NCAM2: variants seen among roughly 807,000 people sequenced by gnomAD.
NCAM2 encodes the protein N-CAM-2.
Under a neutral mutation model 98.1 loss-of-function variants are expected in NCAM2, and 30 were observed. The observed-to-expected ratio is 0.31, with a 90% CI of 0.23 to 0.41. The LOEUF (loss-of-function observed/expected upper bound fraction) is 0.41. Among genes scored for constraint, NCAM2 ranks in the 10% least tolerant of loss-of-function variants. The probability of loss-of-function intolerance (pLI) is 1.00; values close to 1 mark genes in which losing one functional copy is unlikely to be tolerated. For missense variants in NCAM2, 867 were observed against 1,005.8 expected (o/e 0.86, Z 1.87); for synonymous variants, 368 against 342.4 (o/e 1.07, Z -0.83).
chr21:21,146,356 C>T (rs1265239658), intron 1 of NCAM2, among the ~76,000 whole-genome samples: 1 of 151,304 alleles, frequency 6.6e-6, no homozygotes, highest in Non-Finnish European at 1.5e-5. Context: ...GTCTTTCTGA[C>T]ATGAATTTTG....
chr21:21,183,856 C>CA (rs1394586666), intron 1 of NCAM2, among the ~76,000 whole-genome samples: 1 of 150,946 alleles, frequency 6.6e-6, no homozygotes, highest in African/African-American at 2.4e-5. Context: ...GGAAAAATAA[C>CA]GAAAAAAAAA....
At chr21:21,303,031 A>C (rs761166225) in intron 5 of NCAM2, among the ~76,000 whole-genome samples, 6 of 152,118 alleles carry the variant, frequency 3.9e-5, no homozygotes, top group African/African-American at 7.2e-5. Context: ...TTTCACTTGC[A>C]AGTAAGGGCT....
intron 10 of NCAM2, among the ~76,000 whole-genome samples, chr21:21,413,049 T>A (rs1285221242): frequency 6.6e-6 from 1 of 152,168 alleles, no homozygotes; most frequent in Non-Finnish European, 1.5e-5. Flanking sequence ...TTTAAAATTG[T>A]GTGTTTTAAA....
intron 13 of NCAM2, among the ~76,000 whole-genome samples, chr21:21,468,413 C>T (rs1984000683): frequency 6.6e-6 from 1 of 151,886 alleles, no homozygotes; most frequent in Admixed American, 6.6e-5. Context: ...AGAGCATTTG[C>T]ATATCAGTGA....
intron 5 of NCAM2, among the ~76,000 whole-genome samples, chr21:21,303,583 T>A (rs527581921): frequency 6.6e-6 from 1 of 152,260 alleles, no homozygotes; most frequent in South Asian, 2.1e-4. Flanking sequence ...TTATATATTA[T>A]CTTGGTATGG....
intron 1 of NCAM2, among the ~76,000 whole-genome samples, chr21:21,067,976 A>G (rs947925771): frequency 1.7e-4 from 26 of 152,042 alleles, no homozygotes; most frequent in African/African-American, 6.0e-4. Context: ...AAAAAGTGCT[A>G]TATTTTTAAA....
chr21:21,294,976 CT>C (rs1445275034), intron 5 of NCAM2, among the ~76,000 whole-genome samples: 1 of 151,736 alleles, frequency 6.6e-6, no homozygotes, highest in East Asian at 1.9e-4. Flanking sequence ...GACTGCTGCC[CT>C]ATTCTGTTCC....
Position 21,031,661 on chromosome 21 carries a change from G to A in NCAM2, c.55+33043G>A, listed in dbSNP as rs567565226. Among the ~76,000 whole-genome samples, 5 of 152,286 alleles carry A rather than the reference G, an allele frequency of 3.3e-5. No homozygotes were observed. In the East Asian group the frequency reaches 7.7e-4, roughly 24 times the overall value. ...AATATGCAAGTAGGCAGTGATGGAC[G>A]TTGATTTGACAAGCAAATTAAAGCA... On this transcript the variant is annotated intron_variant, in intron 1 of 17. Coordinates refer to ENST00000400546, the MANE Select transcript of NCAM2 (RefSeq NM_004540.5).
chr21:21,325,147 A>G (rs1249801685), intron 6 of NCAM2, among the ~76,000 whole-genome samples: 1 of 152,142 alleles, frequency 6.6e-6, no homozygotes, highest in African/African-American at 2.4e-5. Flanking sequence ...GAGACGATGA[A>G]CTTTAAAACT....
chr21:21,488,833 AATAAAG>A (rs1986609919), intron 15 of NCAM2, among the ~76,000 whole-genome samples: 1 of 152,120 alleles, frequency 6.6e-6, no homozygotes, highest in Non-Finnish European at 1.5e-5. Flanking sequence ...TCACTCACTG[AATAAAG>A]ATAAACTATA....
Position 21,432,210 on chromosome 21 carries a change from A to G in NCAM2, c.1583A>G (p.His528Arg). Residue 528 changes from histidine to arginine, a missense_variant, in exon 12 of 18, where the codon CAT becomes CGT. His to Arg is a conservative substitution (Grantham distance 29). This residue lies in a region of NCAM2 where 234 missense variants were observed against 333.8 expected (regional missense o/e 0.70). Coordinates refer to ENST00000400546, the MANE Select transcript of NCAM2 (RefSeq NM_004540.5). The part of the protein sequence containing the change: ...KPDSHGGVPI[H>R]HYQVDVKEVA... ...GACTCCCATGGAGGTGTACCTATTC[A>G]TCACTATCAGGTGGATGTCAAAGAA... is the stretch of plus-strand genomic sequence containing the variant. 1 of 1,614,088 alleles carries G rather than the reference A, an allele frequency of 6.2e-7. No homozygotes were observed. Among genetic ancestry groups the G allele is most frequent in the East Asian group, 2.2e-5 (1 of 44,864 alleles).
rs551005230 is a variant in NCAM2, at chr21:21,507,037, A to AT, written c.2078-1804dup. Among the ~76,000 whole-genome samples the AT allele has an allele frequency of 3.5e-3, 523 of 149,822 alleles. 1 individual carries two copies. Among genetic ancestry groups the AT allele is most frequent in the Middle Eastern group, 7.0e-3 (2 of 286 alleles). ...GCCAGGCAAAATCACAAATTGAATG[A>AT]TTTTTTTTTTCAAAACTGAGCTGTT... is the stretch of plus-strand genomic sequence containing the variant. On this transcript the variant is annotated intron_variant, in intron 15 of 17. Coordinates refer to ENST00000400546, the MANE Select transcript of NCAM2 (RefSeq NM_004540.5).
chr21:21,366,060 G>T (rs2075777699), intron 8 of NCAM2, among the ~76,000 whole-genome samples: 1 of 152,044 alleles, frequency 6.6e-6, no homozygotes, highest in Non-Finnish European at 1.5e-5. Context: ...GGCTCAGAAT[G>T]GGACTTTTAT....
chr21:21,172,260 T>A (rs2068149677), intron 1 of NCAM2, among the ~76,000 whole-genome samples: 1 of 152,054 alleles, frequency 6.6e-6, no homozygotes, highest in Non-Finnish European at 1.5e-5. Flanking sequence ...TTTAAAAAAG[T>A]TTTTAGATGC....
In NCAM2 at chr21:21,538,016, A is replaced by C; in HGVS notation, c.*59A>C. On this transcript the variant is annotated 3_prime_UTR_variant, in exon 18 of 18. Transcript: ENST00000400546. ...AAGAGTATTTGGATTGCGTGACCCT[A>C]TGACCAAAACTATTCCATTGACCTT... The C allele has an allele frequency of 1.0e-6, 1 of 1,000,730 alleles. No individual in the cohort carries two copies. The highest frequency in any genetic ancestry group is 1.5e-6 in the Non-Finnish European group (1 of 689,360). The allele number at this position is 1,000,730 out of a possible 1,614,324, so 62.0% of individuals were successfully genotyped here. A position where few individuals can be genotyped will look rare whatever the true frequency, so the allele number is the denominator to read the frequency against.
chr21:21,527,103 T>C (rs1373050854), intron 16 of NCAM2, among the ~76,000 whole-genome samples: 1 of 141,252 alleles, frequency 7.1e-6, no homozygotes, highest in Non-Finnish European at 1.5e-5. Context: ...GCACAATCCA[T>C]GAAAGAAAGA....
chr21:21,278,040 C>T (rs2072792079), intron 1 of NCAM2, among the ~76,000 whole-genome samples: 1 of 151,880 alleles, frequency 6.6e-6, no homozygotes. Context: ...ATGTTAACTG[C>T]AGGTTGAAGA....
At chr21:21,058,620 A>G (rs1204867477) in intron 1 of NCAM2, among the ~76,000 whole-genome samples, 1 of 151,010 alleles carries the variant, frequency 6.6e-6, no homozygotes. Context: ...TTTGTCAGCC[A>G]TGGATTCAGG....
chr21:21,042,797 C>A (rs554924358), intron 1 of NCAM2, among the ~76,000 whole-genome samples: 1 of 152,248 alleles, frequency 6.6e-6, no homozygotes, highest in Non-Finnish European at 1.5e-5. Context: ...TTGTGTAAAT[C>A]TTATTTTCTG....
Sources: gnomAD v4.1 joint callset for allele counts (sites outside exome capture counted in the v4.1 genomes callset) on GRCh38, gnomAD v4.1.1 for gene constraint, gnomAD v4.1.1 regional missense constraint, MANE v1.5 for transcripts, NCBI Gene and HGNC (gene_info 2026-07-23, HGNC 2026-07-21) for gene names.